The following ARL5A variants were observed in gnomAD, a reference collection of about 807,000 sequenced individuals.
ARL5A encodes the protein ADP-ribosylation factor-like protein 5A.
ARL5A carries 18 observed loss-of-function variants against 25.9 expected under a neutral mutation model. The observed-to-expected ratio is 0.69, with a 90% confidence interval of 0.48 to 1.03. ARL5A has a LOEUF of 1.03. ARL5A is among the 50% of genes least tolerant of loss of function. The probability of loss-of-function intolerance (pLI) is 0.00; values close to 1 mark genes in which losing one functional copy is unlikely to be tolerated. For synonymous variants in ARL5A, 61 were observed against 67.5 expected (o/e 0.90, Z 0.47); for missense variants, 170 against 211.9 (o/e 0.80, Z 1.23).
At chr2:151,816,870 T>C (rs1472941138) in intron 1 of ARL5A, among the ~76,000 whole-genome samples, 1 of 152,228 alleles carries the variant, frequency 6.6e-6, no homozygotes, top group Non-Finnish European at 1.5e-5. Flanking sequence ...TACTGCATAA[T>C]AGTATACACT....
chr2:151,803,106 G>A lies in ARL5A; in HGVS notation c.*170C>T, dbSNP rs2099829647. 1 of 541,986 alleles carries A rather than the reference G, an allele frequency of 1.8e-6. No homozygotes were observed. The highest frequency in any genetic ancestry group is 3.3e-6 in the Non-Finnish European group (1 of 303,962). 33.6% of individuals were successfully genotyped at this position (541,986 alleles called of 1,614,324 possible). The stretch of plus-strand genomic sequence containing the variant: ...AAAAAACTAATGAGAAAGCAAACTG[G>A]AAGGTGAGACTTCATCTTTGTTTTC... On this transcript the variant is annotated 3_prime_UTR_variant, in exon 6 of 6. Coordinates refer to ENST00000295087, the MANE Select transcript of ARL5A (RefSeq NM_012097.4).
At chr2:151,812,130 C>T (rs6433656) in intron 4 of ARL5A, among the ~76,000 whole-genome samples, 140,443 of 152,206 alleles carry the variant, frequency 0.92, 65,253 homozygotes, top group Non-Finnish European at 0.98. Context: ...ACCAAATGTA[C>T]CTAGGATAAG....
In ARL5A at chr2:151,828,188, G is replaced by A; in HGVS notation, c.-12C>T. ...AAGAGAATTCCCATTCTCGGGCAGC[G>A]GACCCCCCCCCTCCAGACACCCGGG... On this transcript the variant is annotated 5_prime_UTR_variant, in exon 1 of 6. Coordinates refer to ENST00000295087, the MANE Select transcript of ARL5A (RefSeq NM_012097.4). The A allele has an allele frequency of 6.7e-7, 1 of 1,493,948 alleles. No homozygotes were observed. Among genetic ancestry groups the A allele is most frequent in the East Asian group, 2.4e-5 (1 of 41,834 alleles). 92.5% of individuals were successfully genotyped at this position (1,493,948 alleles called of 1,614,324 possible).
chr2:151,806,763 T>C (rs2099830168), intron 5 of ARL5A, 58 bp downstream of exon 5: 3 of 1,520,364 alleles, frequency 2.0e-6, no homozygotes, highest in Non-Finnish European at 2.7e-6. Context: ...TTAAAGAAGA[T>C]ATACATGTTA....
intron 1 of ARL5A, among the ~76,000 whole-genome samples, chr2:151,825,030 T>C (rs1327131779): frequency 1.3e-5 from 2 of 152,216 alleles, no homozygotes; most frequent in Non-Finnish European, 2.9e-5. Flanking sequence ...ACCACTATTA[T>C]TTTACTTGTA....
chr2:151,821,365 A>G (rs2099832277), intron 1 of ARL5A, among the ~76,000 whole-genome samples: 1 of 152,236 alleles, frequency 6.6e-6, no homozygotes, highest in South Asian at 2.1e-4. Flanking sequence ...TACTTCAAAA[A>G]CAAAAAGGAG....
chr2:151,811,966 A>C (rs904917998), intron 4 of ARL5A, among the ~76,000 whole-genome samples: 1 of 152,214 alleles, frequency 6.6e-6, no homozygotes, highest in Non-Finnish European at 1.5e-5. Context: ...AATTACATTT[A>C]AATATTAGTC....
Position 151,802,228 on chromosome 2 carries a change from C to T in ARL5A, c.*1048G>A, listed in dbSNP as rs189627810. On this transcript the variant is annotated 3_prime_UTR_variant, in exon 6 of 6. Transcript: ENST00000295087. ...TGCCTTACTTTTACTCTGAAATTCA[C>T]TTTAACTGCTTGACATATAATTTAA... 9.9e-5 allele frequency: 15 copies of T among 152,206 alleles called. No individual in the cohort carries two copies. Among genetic ancestry groups the T allele is most frequent in the African/African-American group, 3.6e-4 (15 of 41,550 alleles). 9.4% of individuals were successfully genotyped at this position (152,206 alleles called of 1,614,324 possible).
intron 1 of ARL5A, among the ~76,000 whole-genome samples, chr2:151,817,977 G>A (rs977626750): frequency 1.3e-5 from 2 of 152,180 alleles, no homozygotes; most frequent in African/African-American, 4.8e-5. Context: ...TTACACTCCA[G>A]CCTGGGCAAC....
intron 4 of ARL5A, among the ~76,000 whole-genome samples, chr2:151,809,528 A>G (rs1291989807): frequency 1.3e-5 from 2 of 152,218 alleles, no homozygotes; most frequent in Admixed American, 6.5e-5. Context: ...TCAAAACCAA[A>G]TATGTATATA....
At chr2:151,811,303 T>C (rs184794193) in intron 4 of ARL5A, among the ~76,000 whole-genome samples, 64 of 152,304 alleles carry the variant, frequency 4.2e-4, no homozygotes, top group African/African-American at 1.4e-3. Context: ...TATCCGTGTT[T>C]TCCTAAGCTT....
chr2:151,814,413 T>C, intron 2 of ARL5A, 97 bp from the exon 3 acceptor site: 1 of 935,196 alleles, frequency 1.1e-6, no homozygotes, highest in Non-Finnish European at 1.6e-6. Context: ...CCTCCTTTTA[T>C]AATTTATACC....
At chr2:151,817,817 C>T (rs746538113) in intron 1 of ARL5A, among the ~76,000 whole-genome samples, 2 of 152,140 alleles carry the variant, frequency 1.3e-5, no homozygotes, top group Admixed American at 1.3e-4. Context: ...ACCAACATGA[C>T]CAACATGGTA....
At chr2:151,807,724 A>G (rs1014800876) in intron 4 of ARL5A, among the ~76,000 whole-genome samples, 1 of 152,210 alleles carries the variant, frequency 6.6e-6, no homozygotes, top group Non-Finnish European at 1.5e-5. Context: ...AATATGTAAT[A>G]CAGCCATCTT....
At chr2:151,809,911 G>A (rs532510940) in intron 4 of ARL5A, among the ~76,000 whole-genome samples, 2 of 152,210 alleles carry the variant, frequency 1.3e-5, no homozygotes, top group Non-Finnish European at 2.9e-5. Flanking sequence ...GTAAAACCCC[G>A]TCTCTACTAA....
chr2:151,812,465 T>C, intron 3 of ARL5A, 25 bp from the exon 4 acceptor site: 4 of 1,444,870 alleles, frequency 2.8e-6, no homozygotes, highest in East Asian at 2.3e-5. Flanking sequence ...AAAAAATTAT[T>C]AGTGATTATA....
intron 4 of ARL5A, among the ~76,000 whole-genome samples, chr2:151,811,672 A>C (rs1004290725): frequency 6.6e-6 from 1 of 152,178 alleles, no homozygotes; most frequent in African/African-American, 2.4e-5. Flanking sequence ...CCTGGGCTCA[A>C]GCGATCTACT....
At chr2:151,813,055 C>T (rs2099831059) in intron 3 of ARL5A, among the ~76,000 whole-genome samples, 1 of 152,138 alleles carries the variant, frequency 6.6e-6, no homozygotes, top group Admixed American at 6.6e-5. Context: ...GAGCTCCACC[C>T]CAGCTCTTCC....
Position 151,814,336 on chromosome 2 carries a change from T to C in ARL5A, c.108-20A>G, listed in dbSNP as rs1383883100. On this transcript the variant is annotated intron_variant, in intron 2 of 5. Transcript: ENST00000295087. Reference sequence around the variant, plus strand: ...ATAGAACTGGGGAAAAAAGTTTATATACATTACAATTAGCAAGGAAGCTAA... The same window carrying C: ...ATAGAACTGGGGAAAAAAGTTTATACACATTACAATTAGCAAGGAAGCTAA... The C allele has an allele frequency of 2.0e-6, 3 of 1,464,114 alleles. No homozygotes were observed. Among genetic ancestry groups the C allele is most frequent in the Non-Finnish European group, 2.7e-6 (3 of 1,105,822 alleles). 90.7% of individuals were successfully genotyped at this position (1,464,114 alleles called of 1,614,324 possible). A position where few individuals can be genotyped will look rare whatever the true frequency, so the allele number is the denominator to read the frequency against.
Sources: allele counts gnomAD v4.1 joint callset (sites outside exome capture counted in the v4.1 genomes callset), GRCh38; gene constraint gnomAD v4.1.1; transcripts MANE v1.5; gene names NCBI Gene and HGNC (gene_info 2026-07-23, HGNC 2026-07-21).